MDN1: variants seen among roughly 807,000 people sequenced by gnomAD.
MDN1 encodes the protein midasin.
A neutral mutation model predicts 669.2 loss-of-function variants in MDN1; 266 were observed. The ratio of observed to expected loss-of-function variants is 0.40; its 90% CI spans 0.36 to 0.44. The LOEUF (loss-of-function observed/expected upper bound fraction) is 0.44. Ranked by LOEUF, MDN1 falls within the 20% of genes least tolerant of loss-of-function variation. MDN1 has a pLI of 1.00. For missense variants in MDN1, 5,940 were observed against 6,754.0 expected (o/e 0.88, Z 4.22); for synonymous variants, 2,385 against 2,457.1 (o/e 0.97, Z 0.87).
At chr6:89,769,133 A>C (rs916257224) in intron 15 of MDN1, among the ~76,000 whole-genome samples, 2 of 152,160 alleles carry the variant, frequency 1.3e-5, no homozygotes, top group East Asian at 1.9e-4. Context: ...TATTTAACAT[A>C]ACTTATAAAA....
At chr6:89,697,908 C>T (rs897716685) in intron 59 of MDN1, among the ~76,000 whole-genome samples, 2 of 151,906 alleles carry the variant, frequency 1.3e-5, no homozygotes, top group Non-Finnish European at 2.9e-5. Flanking sequence ...AAAAAAAGCA[C>T]AACTATGACT....
intron 1 of MDN1, among the ~76,000 whole-genome samples, chr6:89,812,017 C>T (rs1408207824): frequency 6.6e-6 from 1 of 151,128 alleles, no homozygotes; most frequent in East Asian, 2.0e-4. Flanking sequence ...GATGGAGTCT[C>T]GCTCTATTGC....
At chr6:89,783,961 G>A (rs1298572355) in intron 9 of MDN1, among the ~76,000 whole-genome samples, 9 of 145,422 alleles carry the variant, frequency 6.2e-5, no homozygotes, top group East Asian at 4.0e-4. Context: ...TGTTCTGGGC[G>A]ACATAAAAAG....
chr6:89,674,051 G>A, intron 79 of MDN1, 53 bp downstream of exon 79: 1 of 1,493,966 alleles, frequency 6.7e-7, no homozygotes, highest in African/African-American at 1.4e-5. Context: ...ATTTAGATAA[G>A]CACAATAAGG....
intron 17 of MDN1, among the ~76,000 whole-genome samples, chr6:89,759,484 C>T (rs1422893335): frequency 6.6e-6 from 1 of 152,150 alleles, no homozygotes; most frequent in East Asian, 1.9e-4. Context: ...TAATTCTGGG[C>T]TGGGTGTGGT....
At chr6:89,691,375 G>A (rs1002720362) in intron 63 of MDN1, among the ~76,000 whole-genome samples, 24 of 152,126 alleles carry the variant, frequency 1.6e-4, no homozygotes, top group African/African-American at 5.6e-4. Context: ...AGAACCATCC[G>A]GTACTGCTGA....
In MDN1 at chr6:89,686,891, C is replaced by G. The variant is rs745930137; in HGVS notation, c.11572+11G>C. 2 of 1,613,554 alleles carry G rather than the reference C, an allele frequency of 1.2e-6. No homozygotes were observed. The highest frequency in any genetic ancestry group is 2.2e-5 in the South Asian group (2 of 91,040). On this transcript the variant is annotated intron_variant, in intron 69 of 101. Coordinates refer to ENST00000369393, the MANE Select transcript of MDN1 (RefSeq NM_014611.3). ...CTCTAAGTGGGCAGGAAATGTACTG[C>G]TAGGCATTACCTTCCTGTTCTTCTG...
intron 85 of MDN1, among the ~76,000 whole-genome samples, chr6:89,663,482 A>G (rs1809953286): frequency 6.6e-6 from 1 of 152,240 alleles, no homozygotes; most frequent in African/African-American, 2.4e-5. Flanking sequence ...TTTCTGCAAG[A>G]TATTCATTTT....
chr6:89,747,580 T>G, intron 26 of MDN1, 110 bp from the exon 27 acceptor site: 1 of 1,225,492 alleles, frequency 8.2e-7, no homozygotes, highest in South Asian at 1.5e-5. Context: ...ATTTAAATGA[T>G]TTCATTCCAC....
At chr6:89,782,592 C>A (rs1442296600) in intron 9 of MDN1, among the ~76,000 whole-genome samples, 5 of 136,354 alleles carry the variant, frequency 3.7e-5, no homozygotes, top group Non-Finnish European at 7.7e-5. Flanking sequence ...CAGAGTAAGA[C>A]CTTTCCTCAA....
chr6:89,656,395 T>C (rs1809302007), intron 91 of MDN1, among the ~76,000 whole-genome samples: 1 of 152,102 alleles, frequency 6.6e-6, no homozygotes, highest in Non-Finnish European at 1.5e-5. Context: ...AGCAAAAGCC[T>C]ATGGACAATG....
intron 9 of MDN1, among the ~76,000 whole-genome samples, chr6:89,784,253 T>C (rs1053572628): frequency 2.0e-5 from 3 of 151,830 alleles, no homozygotes; most frequent in East Asian, 1.9e-4. Flanking sequence ...GAGGCAGAGA[T>C]TGCAGTGAGC....
intron 83 of MDN1, 149 bp downstream of exon 83, chr6:89,670,770 G>C (rs576736169): frequency 1.6e-5 from 15 of 921,846 alleles, no homozygotes; most frequent in Non-Finnish European, 2.4e-5. Context: ...AAGGATGCCA[G>C]ACAAAGCCCT....
intron 84 of MDN1, among the ~76,000 whole-genome samples, chr6:89,665,465 T>C (rs944433157): frequency 2.0e-5 from 3 of 151,994 alleles, no homozygotes; most frequent in Non-Finnish European, 4.4e-5. Context: ...TCCCAGCACT[T>C]TGGGAGGCTG....
intron 27 of MDN1, among the ~76,000 whole-genome samples, chr6:89,746,916 T>C (rs1816669341): frequency 6.6e-6 from 1 of 152,146 alleles, no homozygotes; most frequent in African/African-American, 2.4e-5. Context: ...AACCTGAGTC[T>C]CAGGTTATAT....
At chr6:89,800,218 G>A (rs1278726648) in intron 2 of MDN1, among the ~76,000 whole-genome samples, 1 of 151,984 alleles carries the variant, frequency 6.6e-6, no homozygotes, top group African/African-American at 2.4e-5. Context: ...ACCTGAGATC[G>A]GGAGTTCGAG....
At position 89,708,616 on chromosome 6, in the gene MDN1, A is replaced by G. The variant is rs369030717; in HGVS notation, c.7778T>C (p.Ile2593Thr). The G allele has an allele frequency of 6.2e-7, 1 of 1,613,546 alleles. No homozygotes were observed. Among genetic ancestry groups the G allele is most frequent in the African/African-American group, 1.3e-5 (1 of 74,916 alleles). Residue 2593 changes from isoleucine (I) to threonine (T), a missense_variant, in exon 51 of 102, where the codon ATC (isoleucine) becomes ACC (threonine). This residue lies in a region of MDN1 where 2,292 missense variants were observed against 2,638.3 expected (regional missense o/e 0.87). Transcript: ENST00000369393. ...CATATTCCATCGGGGATCCAGAGGGATCACAAATTCATCTAGTTTAAAAAC... is the reference window on the plus strand; with the variant it reads ...CATATTCCATCGGGGATCCAGAGGGGTCACAAATTCATCTAGTTTAAAAAC... Reference protein sequence around the residue: ...LQPNTTDEFVIPLDPRWNMQA... With the variant: ...LQPNTTDEFVTPLDPRWNMQA...
chr6:89,779,658 T>A (rs1421868366), intron 11 of MDN1, among the ~76,000 whole-genome samples: 1 of 152,236 alleles, frequency 6.6e-6, no homozygotes, highest in Non-Finnish European at 1.5e-5. Flanking sequence ...TGTTTTACTC[T>A]ATATCAAACT....
chr6:89,784,314 A>T (rs563790094), intron 9 of MDN1, among the ~76,000 whole-genome samples: 1 of 151,558 alleles, frequency 6.6e-6, no homozygotes, highest in African/African-American at 2.4e-5. Context: ...GAAACTGTTT[A>T]AAAAAAAATA....
Sources: gnomAD v4.1 joint callset for allele counts (sites outside exome capture counted in the v4.1 genomes callset) on GRCh38, gnomAD v4.1.1 for gene constraint, gnomAD v4.1.1 regional missense constraint, MANE v1.5 for transcripts, NCBI Gene and HGNC (gene_info 2026-07-23, HGNC 2026-07-21) for gene names.